SPPL2A: variants seen among roughly 807,000 people sequenced by gnomAD.
SPPL2A encodes signal peptide peptidase like 2A, also known as signal peptide peptidase-like 2A.
SPPL2A carries 51 observed loss-of-function variants against 63.8 expected under a neutral mutation model. The observed-to-expected ratio is 0.80, with a 90% CI of 0.64 to 1.01. The LOEUF (loss-of-function observed/expected upper bound fraction) is 1.01. SPPL2A is among the 50% of genes least tolerant of loss of function. SPPL2A has a pLI of 0.00. For synonymous variants in SPPL2A, 188 were observed against 205.8 expected (o/e 0.91, Z 0.74); for missense variants, 553 against 622.7 (o/e 0.89, Z 1.19).
chr15:50,717,163 C>T (rs1173027068), intron 14 of SPPL2A, among the ~76,000 whole-genome samples: 1 of 152,102 alleles, frequency 6.6e-6, no homozygotes, highest in East Asian at 1.9e-4. Context: ...GCTTCTATCA[C>T]TTCTTTTTTG....
chr15:50,745,820 G>C (rs1488681313), intron 5 of SPPL2A, among the ~76,000 whole-genome samples: 1 of 152,108 alleles, frequency 6.6e-6, no homozygotes, highest in East Asian at 1.9e-4. Context: ...GGAGGCCGAG[G>C]TGGGCAGATC....
chr15:50,736,675 G>A lies in SPPL2A; in HGVS notation c.799C>T (p.Leu267=), dbSNP rs769698329. The A allele has an allele frequency of 3.7e-6, 6 of 1,605,174 alleles. No homozygotes were observed. The highest frequency in any genetic ancestry group is 1.3e-5 in the African/African-American group (1 of 74,676). The part of the protein sequence containing the change: ...AMSLYNCLAA[L]IHKIPYGQCT... ...TGTCCATATGGTATCTTATGAATTA[G>A]TGCAGCAAGACAGTTGTACAGACTC... Residue 267 remains leucine, a synonymous_variant, in exon 7 of 15, where the codon CTA becomes TTA. Transcript: ENST00000261854.
intron 9 of SPPL2A, among the ~76,000 whole-genome samples, chr15:50,732,006 C>A (rs2062735504): frequency 1.3e-5 from 2 of 150,048 alleles, no homozygotes; most frequent in African/African-American, 2.5e-5. Context: ...GTAATCCCAG[C>A]ACTTTGGGAG....
chr15:50,758,886 ATATCTATC>A (rs79216272), intron 1 of SPPL2A, among the ~76,000 whole-genome samples: 7,923 of 149,656 alleles, frequency 0.053, 219 homozygotes, highest in Middle Eastern at 0.14. Flanking sequence ...TATAATAAGC[ATATCTATC>A]TATCTATCTA....
At chr15:50,764,167 C>T (rs2063037823) in intron 1 of SPPL2A, among the ~76,000 whole-genome samples, 1 of 152,122 alleles carries the variant, frequency 6.6e-6, no homozygotes, top group African/African-American at 2.4e-5. Flanking sequence ...TTAAAATCAG[C>T]TCAAGAGATT....
intron 12 of SPPL2A, 54 bp downstream of exon 12, chr15:50,725,167 G>A (rs1567153904): frequency 1.2e-5 from 13 of 1,053,956 alleles, no homozygotes; most frequent in Non-Finnish European, 1.8e-5. Context: ...TACATATGAC[G>A]ATTTAAAATC....
intron 14 of SPPL2A, among the ~76,000 whole-genome samples, chr15:50,710,251 T>C (rs780729485): frequency 1.7e-4 from 26 of 152,296 alleles, no homozygotes; most frequent in Non-Finnish European, 3.1e-4. Context: ...AATTATAACA[T>C]GCTTCCCTGG....
chr15:50,740,751 C>T (rs2062813634), intron 5 of SPPL2A, among the ~76,000 whole-genome samples: 1 of 152,070 alleles, frequency 6.6e-6, no homozygotes, highest in Admixed American at 6.6e-5. Context: ...GCTGGGACTA[C>T]AGGCACATGC....
chr15:50,757,285 T>C (rs887106250), intron 1 of SPPL2A, among the ~76,000 whole-genome samples: 1 of 152,026 alleles, frequency 6.6e-6, no homozygotes, highest in African/African-American at 2.4e-5. Flanking sequence ...AGTTTCACTG[T>C]GTTAGCCAGG....
chr15:50,709,357 G>A (rs1056962274), intron 14 of SPPL2A, among the ~76,000 whole-genome samples: 1 of 152,164 alleles, frequency 6.6e-6, no homozygotes, highest in African/African-American at 2.4e-5. Flanking sequence ...TGGTTCTGAA[G>A]GCTTTAGTGT....
intron 1 of SPPL2A, among the ~76,000 whole-genome samples, chr15:50,759,398 G>C (rs2062989372): frequency 6.6e-6 from 1 of 152,172 alleles, no homozygotes. Flanking sequence ...CAGGGCAACA[G>C]AGCAAGATTC....
chr15:50,725,067 C>G (rs967139022), intron 12 of SPPL2A, among the ~76,000 whole-genome samples, 154 bp downstream of exon 12: 1 of 152,104 alleles, frequency 6.6e-6, no homozygotes, highest in Non-Finnish European at 1.5e-5. Context: ...TACCTTCTAC[C>G]CCTCAACAAG....
At position 50,705,408 on chromosome 15, in the gene SPPL2A, T is replaced by C. The variant is rs936810925; in HGVS notation, c.*2392A>G. 3.3e-5 allele frequency: 5 copies of C among 152,172 alleles called. No individual in the cohort carries two copies. The highest frequency in any genetic ancestry group is 1.2e-4 in the African/African-American group (5 of 41,454). 9.4% of individuals were successfully genotyped at this position (152,172 alleles called of 1,614,324 possible). A position where few individuals can be genotyped will look rare whatever the true frequency, so the allele number is the denominator to read the frequency against. The stretch of plus-strand genomic sequence containing the variant: ...AAAAAAAAAATTTTCTTTAACATTC[T>C]TCATAAAATGTGATTAAGGCTATTA... On this transcript the variant is annotated 3_prime_UTR_variant, in exon 15 of 15. Transcript: ENST00000261854.
rs1435816195 is a variant in SPPL2A, at chr15:50,707,843, T to C, written c.1520A>G (p.Glu507Gly). The C allele has an allele frequency of 1.2e-6, 2 of 1,600,030 alleles. No homozygotes were observed. The highest frequency in any genetic ancestry group is 2.2e-5 in the East Asian group (1 of 44,788). The change falls in exon 15 of 15, where the codon GAA becomes GGA. Residue 507 changes from glutamate to glycine, a missense_variant. Glu to Gly is a moderately conservative substitution (Grantham distance 98). Transcript: ENST00000261854. ...TTCACCAGATATCACAGGGTTTTCT[T>C]CATTTGTTGCACAATCCAAATGGTC... ...MMDHLDCATN[E>G]ENPVISGEQI...
chr15:50,710,054 T>A (rs1449261579), intron 14 of SPPL2A, among the ~76,000 whole-genome samples: 1 of 152,176 alleles, frequency 6.6e-6, no homozygotes, highest in Non-Finnish European at 1.5e-5. Flanking sequence ...AGGAAAAGTA[T>A]GTAAGATATA....
intron 1 of SPPL2A, among the ~76,000 whole-genome samples, chr15:50,755,827 T>G (rs536083110): frequency 4.0e-5 from 6 of 151,692 alleles, no homozygotes; most frequent in African/African-American, 1.5e-4. Flanking sequence ...GCCATGGTAC[T>G]CAGGCTGGTC....
rs2141050970 is a variant in SPPL2A at position 50,747,580 on chromosome 15, T to C, written c.499A>G (p.Asn167Asp). The C allele has an allele frequency of 6.2e-7, 1 of 1,610,868 alleles. No individual in the cohort carries two copies. Among genetic ancestry groups the C allele is most frequent in the African/African-American group, 1.3e-5 (1 of 74,952 alleles). ...ATAACCACCATAGTATAATCAAAGT[T>C]AGGCCACGATGGAGAATACATTTTC... ...TVKMYSPSWP[N>D]FDYTMVVIFV... The change falls in exon 5 of 15, where the codon AAC becomes GAC. Residue 167 changes from asparagine to aspartate, a missense_variant. Transcript: ENST00000261854.
intron 10 of SPPL2A, among the ~76,000 whole-genome samples, chr15:50,730,596 C>T (rs898094769): frequency 6.6e-6 from 1 of 152,164 alleles, no homozygotes; most frequent in African/African-American, 2.4e-5. Flanking sequence ...TACAGAGCTA[C>T]ATTCTAGGCC....
intron 1 of SPPL2A, among the ~76,000 whole-genome samples, chr15:50,752,136 C>A (rs998893486): frequency 6.6e-6 from 1 of 152,022 alleles, no homozygotes; most frequent in Admixed American, 6.6e-5. Flanking sequence ...CAGCCATATC[C>A]TTCTTTTTAA....
Sources: gnomAD v4.1 joint callset for allele counts (sites outside exome capture counted in the v4.1 genomes callset) on GRCh38, gnomAD v4.1.1 for gene constraint, MANE v1.5 for transcripts, NCBI Gene and HGNC (gene_info 2026-07-23, HGNC 2026-07-21) for gene names.